The following PSIP1 variants were observed in gnomAD, a reference collection of about 807,000 sequenced individuals.
PSIP1 encodes PC4 and SRSF1 interacting protein 1.
A neutral mutation model predicts 74.7 loss-of-function variants in PSIP1; 19 were observed. The observed-to-expected ratio is 0.25, with a 90% CI of 0.18 to 0.37. The LOEUF is 0.37. PSIP1 is among the 10% of genes least tolerant of loss of function. PSIP1 has a pLI of 1.00. For missense variants in PSIP1, 601 were observed against 614.3 expected (o/e 0.98, Z 0.23); for synonymous variants, 222 against 195.3 (o/e 1.14, Z -1.14).
intron 3 of PSIP1, among the ~76,000 whole-genome samples, chr9:15,492,873 T>C (rs1389599419): frequency 6.6e-6 from 1 of 152,190 alleles, no homozygotes; most frequent in Non-Finnish European, 1.5e-5. Context: ...CTTGGTCCCT[T>C]TTAGCCAAGA....
chr9:15,506,537 G>A, intron 3 of PSIP1, 24 bp downstream of exon 3: 1 of 1,522,806 alleles, frequency 6.6e-7, no homozygotes, highest in East Asian at 2.3e-5. Context: ...GCTCTGATTT[G>A]CCTTTAAAGC....
chr9:15,468,614 G>A lies in PSIP1; in HGVS notation c.1420+16C>T. 6.2e-7 allele frequency: 1 copy of A among 1,610,526 alleles called. No homozygotes were observed. The highest frequency in any genetic ancestry group is 8.5e-7 in the Non-Finnish European group (1 of 1,177,010). ...TTTAAAAACTGGTGTGAAATTGTTG[G>A]CTTTTTACCACATACCTGTTTGTTC... On this transcript the variant is annotated intron_variant, in intron 14 of 15. Coordinates refer to ENST00000380733, the MANE Select transcript of PSIP1 (RefSeq NM_033222.5).
chr9:15,497,313 G>A (rs1014105759), intron 3 of PSIP1, among the ~76,000 whole-genome samples: 5 of 126,644 alleles, frequency 3.9e-5, no homozygotes, highest in African/African-American at 1.5e-4. Context: ...AAGACCACAC[G>A]TTCTATGATT....
At position 15,479,770 on chromosome 9, in the gene PSIP1, ATGGTAACGT is replaced by A; in HGVS notation, c.457-92_457-84del. 5 of 1,041,166 alleles carry A rather than the reference ATGGTAACGT, an allele frequency of 4.8e-6. No homozygotes were observed. The South Asian group carries it at 6.8e-5, about 14-fold the overall frequency. 64.5% of individuals were successfully genotyped at this position (1,041,166 alleles called of 1,614,324 possible). A position where few individuals can be genotyped will look rare whatever the true frequency, so the allele number is the denominator to read the frequency against. On this transcript the variant is annotated intron_variant, in intron 6 of 15. Transcript: ENST00000380733. The stretch of plus-strand genomic sequence containing the variant: ...TTCGATGGCAAAAATATGCCAGTCT[ATGGTAACGT>A]TGAGTTCAAGTATAGATATAACCTC...
At chr9:15,502,558 C>T (rs528775517) in intron 3 of PSIP1, among the ~76,000 whole-genome samples, 8 of 152,280 alleles carry the variant, frequency 5.3e-5, no homozygotes, top group Non-Finnish European at 1.2e-4. Flanking sequence ...ACAGACATGT[C>T]CCAGTGTGCC....
At chr9:15,497,324 C>A (rs1315190986) in intron 3 of PSIP1, among the ~76,000 whole-genome samples, 6 of 110,812 alleles carry the variant, frequency 5.4e-5, no homozygotes, top group Non-Finnish European at 8.4e-5. Flanking sequence ...TTCTATGATT[C>A]CTTTTTTTTT....
intron 10 of PSIP1, 166 bp downstream of exon 10, chr9:15,472,466 A>T (rs2035880287): frequency 7.2e-7 from 1 of 1,395,884 alleles, no homozygotes; most frequent in Non-Finnish European, 9.2e-7. Flanking sequence ...AAGAGAATGA[A>T]GCCTGAAATA....
chr9:15,478,333 C>A, intron 8 of PSIP1, 144 bp downstream of exon 8: 1 of 651,094 alleles, frequency 1.5e-6, no homozygotes, highest in South Asian at 2.4e-5. Flanking sequence ...ACAAAATTTT[C>A]CCAGTTTTTC....
chr9:15,502,931 T>C (rs1289739990), intron 3 of PSIP1, among the ~76,000 whole-genome samples: 1 of 152,238 alleles, frequency 6.6e-6, no homozygotes, highest in Non-Finnish European at 1.5e-5. Context: ...AGGAAAAGAA[T>C]GCAGTTACAA....
intron 7 of PSIP1, among the ~76,000 whole-genome samples, 177 bp downstream of exon 7, chr9:15,479,414 C>A (rs2132085062): frequency 6.6e-6 from 1 of 152,240 alleles, no homozygotes; most frequent in East Asian, 1.9e-4. Flanking sequence ...AAGTTTATTT[C>A]AAATTTAAAT....
chr9:15,487,025 G>A (rs777158391), intron 4 of PSIP1, 94 bp from the exon 5 acceptor site: 1 of 755,488 alleles, frequency 1.3e-6, no homozygotes, highest in East Asian at 3.2e-5. Flanking sequence ...TAGAGACAGG[G>A]TCTCACTCTA....
chr9:15,502,433 G>A (rs920434081), intron 3 of PSIP1, among the ~76,000 whole-genome samples: 7 of 152,128 alleles, frequency 4.6e-5, no homozygotes, highest in Admixed American at 2.6e-4. Flanking sequence ...TAGAGTAAGC[G>A]CACTATTTTT....
chr9:15,479,428 T>A (rs893722029), intron 7 of PSIP1, among the ~76,000 whole-genome samples, 163 bp downstream of exon 7: 4 of 152,190 alleles, frequency 2.6e-5, no homozygotes, highest in African/African-American at 7.2e-5. Context: ...TTTAAATACT[T>A]TGAAACAGAG....
chr9:15,467,115 A>G (rs1447226809), intron 14 of PSIP1, among the ~76,000 whole-genome samples: 2 of 152,030 alleles, frequency 1.3e-5, no homozygotes, highest in African/African-American at 2.4e-5. Context: ...CAGGTTAACT[A>G]TCTATGAGTA....
chr9:15,475,140 A>T (rs1210234702), intron 8 of PSIP1, among the ~76,000 whole-genome samples: 1 of 152,208 alleles, frequency 6.6e-6, no homozygotes, highest in Non-Finnish European at 1.5e-5. Context: ...GTTGGAAGAG[A>T]AGAAATTTAC....
intron 3 of PSIP1, among the ~76,000 whole-genome samples, chr9:15,503,833 G>C (rs1252555358): frequency 6.6e-6 from 1 of 152,080 alleles, no homozygotes; most frequent in Non-Finnish European, 1.5e-5. Flanking sequence ...CACACCCTCT[G>C]CCTCCTGGGT....
rs1227752911 is a variant in PSIP1 at position 15,465,108 on chromosome 9, GTC to G, written c.*410_*411del. 12 of 231,192 alleles carry G rather than the reference GTC, an allele frequency of 5.2e-5. No homozygotes were observed. In the East Asian group the frequency reaches 7.0e-4, roughly 13 times the overall value. The allele number at this position is 231,192 out of a possible 1,614,324, so 14.3% of individuals were successfully genotyped here. A position where few individuals can be genotyped will look rare whatever the true frequency, so the allele number is the denominator to read the frequency against. ...AAAACCCACAAACAGTGAAAAGACAGTCTGGTAAATCCAAGGTTTGTAAAAAC... is the reference window on the plus strand; with the variant it reads ...AAAACCCACAAACAGTGAAAAGACAGTGGTAAATCCAAGGTTTGTAAAAAC... On this transcript the variant is annotated 3_prime_UTR_variant, in exon 16 of 16. Coordinates refer to ENST00000380733, the MANE Select transcript of PSIP1 (RefSeq NM_033222.5).
At chr9:15,509,307 T>C (rs988272068) in intron 2 of PSIP1, among the ~76,000 whole-genome samples, 1 of 152,242 alleles carries the variant, frequency 6.6e-6, no homozygotes, top group Non-Finnish European at 1.5e-5. Context: ...TATCTATCTC[T>C]GTTTGAGAGC....
At chr9:15,474,496 A>G (rs1414092447) in intron 8 of PSIP1, among the ~76,000 whole-genome samples, 2 of 152,232 alleles carry the variant, frequency 1.3e-5, no homozygotes, top group African/African-American at 4.8e-5. Flanking sequence ...TAAAAAGTAG[A>G]CACACTGGGA....
Sources: allele counts gnomAD v4.1 joint callset (sites outside exome capture counted in the v4.1 genomes callset), GRCh38; gene constraint gnomAD v4.1.1; transcripts MANE v1.5; gene names NCBI Gene and HGNC (gene_info 2026-07-23, HGNC 2026-07-21).